Variants in RCC2 observed in about 807,000 individuals in gnomAD.
The protein encoded by RCC2 is regulator of chromosome condensation 2.
In RCC2, 19 loss-of-function variants were observed where a neutral mutation model predicts 64.1. That is an observed-to-expected ratio of 0.30 (90% confidence interval 0.21 to 0.44). The LOEUF (loss-of-function observed/expected upper bound fraction) is 0.44. Among genes scored for constraint, RCC2 ranks in the 20% least tolerant of loss-of-function variants. RCC2 has a pLI of 1.00. For synonymous variants in RCC2, 325 were observed against 279.6 expected, an observed-to-expected ratio of 1.16 and a Z score of -1.62; for missense variants, 508 against 710.4, an observed-to-expected ratio of 0.72 and a Z score of 3.24.
chr1:17,438,225 C>A lies in RCC2; in HGVS notation c.285+5G>T, dbSNP rs1240827613. 1 of 1,295,670 alleles carries A rather than the reference C, an allele frequency of 7.7e-7. No individual in the cohort carries two copies. 80.3% of individuals were successfully genotyped at this position (1,295,670 alleles called of 1,614,324 possible). The stretch of plus-strand genomic sequence containing the variant: ...GCCCACCCGTCTACCCTGACCCTCA[C>A]TCACGACGCGCTCCTTGGTGTGCTC... On this transcript the variant is annotated splice_donor_5th_base_variant and intron_variant, in intron 2 of 12. Coordinates refer to ENST00000375436, the MANE Select transcript of RCC2 (RefSeq NM_018715.4).
At position 17,409,047 on chromosome 1, in the gene RCC2, A is replaced by G. The variant is rs760860242; in HGVS notation, c.*43T>C. ...CCGTCCCAGTGCACATGGAAATGAC[A>G]GCTGCCGCGAGAGGTGTGGAGTCGG... On this transcript the variant is annotated 3_prime_UTR_variant, in exon 13 of 13. Transcript: ENST00000375436. 4 of 1,374,128 alleles carry G rather than the reference A, an allele frequency of 2.9e-6. No individual in the cohort carries two copies. Among genetic ancestry groups the G allele is most frequent in the Non-Finnish European group, 4.2e-6 (4 of 961,428 alleles). 85.1% of individuals were successfully genotyped at this position (1,374,128 alleles called of 1,614,324 possible).
intron 4 of RCC2, 41 bp downstream of exon 4, chr1:17,425,500 T>G (rs376875343): frequency 6.5e-7 from 1 of 1,543,564 alleles, no homozygotes; most frequent in Non-Finnish European, 8.8e-7. Flanking sequence ...GGACAGCTGG[T>G]GACAGTGGTC....
At chr1:17,420,587 C>G (rs1049407486) in intron 7 of RCC2, 127 bp downstream of exon 7, 6 of 541,154 alleles carry the variant, frequency 1.1e-5, no homozygotes, top group Middle Eastern at 5.3e-4. Flanking sequence ...ATCCACTTAA[C>G]GGACAAAGGC....
At position 17,423,586 on chromosome 1, in the gene RCC2, C is replaced by T. The variant is rs187533251; in HGVS notation, c.524-750G>A. On this transcript the variant is annotated intron_variant, in intron 4 of 12. Transcript: ENST00000375436. ...AGAACCAAATTCAACTCCAAACAGA[C>T]GTGGAAGTTGGGTGGGCCAAAAGGA... Among the ~76,000 whole-genome samples the T allele has an allele frequency of 1.6e-4, 24 of 152,362 alleles. No individual in the cohort carries two copies. The East Asian group carries it at 4.2e-3, about 27-fold the overall frequency.
chr1:17,413,260 A>G, intron 9 of RCC2, 82 bp from the exon 10 acceptor site: 1 of 1,068,438 alleles, frequency 9.4e-7, no homozygotes, highest in Non-Finnish European at 1.4e-6. Context: ...GGGTGAAAAG[A>G]GGACGGGATG....
At chr1:17,437,558 G>C (rs1047322449) in intron 2 of RCC2, among the ~76,000 whole-genome samples, 4 of 140,548 alleles carry the variant, frequency 2.8e-5, no homozygotes, top group African/African-American at 1.1e-4. Context: ...TTCACTTGGG[G>C]GGGCTACAAC....
At chr1:17,426,735 G>C (rs549467998) in intron 3 of RCC2, among the ~76,000 whole-genome samples, 3 of 151,264 alleles carry the variant, frequency 2.0e-5, no homozygotes, top group African/African-American at 7.3e-5. Flanking sequence ...TTAGAGGATG[G>C]GGCAGGGCCA....
chr1:17,436,899 CCA>C (rs1355094026), intron 2 of RCC2, among the ~76,000 whole-genome samples: 1 of 152,194 alleles, frequency 6.6e-6, no homozygotes, highest in Non-Finnish European at 1.5e-5. Flanking sequence ...TTCCTGTGTT[CCA>C]GTTTCTCAAT....
chr1:17,438,611 A>G (rs1047949227), intron 1 of RCC2, 89 bp from the exon 2 acceptor site: 5 of 1,207,904 alleles, frequency 4.1e-6, no homozygotes, highest in Non-Finnish European at 5.2e-6. Context: ...CCCGGCCTCC[A>G]CTTCCTCCTC....
chr1:17,436,593 G>A (rs2075737807), intron 2 of RCC2, among the ~76,000 whole-genome samples: 1 of 152,184 alleles, frequency 6.6e-6, no homozygotes, highest in Non-Finnish European at 1.5e-5. Context: ...GCCAGGGAGA[G>A]CCAGTGTCCC....
intron 7 of RCC2, among the ~76,000 whole-genome samples, chr1:17,418,483 C>T (rs1362905148): frequency 2.0e-5 from 3 of 152,180 alleles, no homozygotes; most frequent in African/African-American, 4.8e-5. Flanking sequence ...ATGGTGAAAC[C>T]CCGTCTCTAC....
chr1:17,426,797 C>T (rs1191704038), intron 3 of RCC2, among the ~76,000 whole-genome samples: 1 of 128,880 alleles, frequency 7.8e-6, no homozygotes, highest in Admixed American at 8.6e-5. Context: ...GACAGTTTCA[C>T]TGTTGCCCAG....
intron 4 of RCC2, among the ~76,000 whole-genome samples, chr1:17,424,611 A>T (rs2075592416): frequency 6.6e-6 from 1 of 152,228 alleles, no homozygotes; most frequent in Non-Finnish European, 1.5e-5. Context: ...AGGGAAGACA[A>T]CAGATGTTAA....
intron 2 of RCC2, among the ~76,000 whole-genome samples, chr1:17,434,921 T>C (rs1325677040): frequency 3.3e-5 from 5 of 152,174 alleles, no homozygotes; most frequent in African/African-American, 1.2e-4. Context: ...CTGGCCAACA[T>C]GGTGAAACCC....
chr1:17,429,304 C>A, intron 2 of RCC2, 105 bp from the exon 3 acceptor site: 1 of 863,218 alleles, frequency 1.2e-6, no homozygotes, highest in Non-Finnish European at 1.9e-6. Flanking sequence ...ATTCAGTTAG[C>A]CCTTATGTCA....
chr1:17,409,995 C>T lies in RCC2; in HGVS notation c.1443G>A (p.Leu481=). The T allele has an allele frequency of 6.2e-7, 1 of 1,613,978 alleles. No individual in the cohort carries two copies. The highest frequency in any genetic ancestry group is 8.5e-7 in the Non-Finnish European group (1 of 1,179,904). ...SSTAAQEVKT[L]DGIFSEQVAM... The stretch of plus-strand genomic sequence containing the variant: ...TCACCTGCTCTGAGAAAATGCCATC[C>T]AGAGTCTTTACCTCCTGGGCTGCAG... The change falls in exon 12 of 13, where the codon CTG becomes CTA. Residue 481 remains leucine (L), a synonymous_variant. Coordinates refer to ENST00000375436, the MANE Select transcript of RCC2 (RefSeq NM_018715.4).
intron 12 of RCC2, 31 bp downstream of exon 12, chr1:17,409,943 T>C: frequency 6.3e-7 from 1 of 1,590,116 alleles, no homozygotes; most frequent in Non-Finnish European, 8.6e-7. Flanking sequence ...TACGGACACG[T>C]CCCCGAGCTG....
At chr1:17,438,147 C>T in intron 2 of RCC2, 83 bp downstream of exon 2, 1 of 1,028,300 alleles carries the variant, frequency 9.7e-7, no homozygotes, top group African/African-American at 1.7e-5. Context: ...AGGCGGCCCC[C>T]GGCTGGAACG....
At position 17,409,249 on chromosome 1, in the gene RCC2, G is replaced by A. The variant is rs571057525; in HGVS notation, c.1465-55C>T. Reference sequence around the variant, plus strand: ...CTGAGGCGCCTGGACTAATCAATGCGTTGAAGAGACTCTGGAAACTGGGCT... The same window carrying A: ...CTGAGGCGCCTGGACTAATCAATGCATTGAAGAGACTCTGGAAACTGGGCT... On this transcript the variant is annotated intron_variant, in intron 12 of 12. Transcript: ENST00000375436. The A allele has an allele frequency of 3.0e-4, 340 of 1,118,950 alleles. 1 individual carries two copies. Among genetic ancestry groups the A allele is most frequent in the Middle Eastern group, 2.4e-3 (12 of 5,100 alleles). The allele number at this position is 1,118,950 out of a possible 1,614,324, so 69.3% of individuals were successfully genotyped here. A position where few individuals can be genotyped will look rare whatever the true frequency, so the allele number is the denominator to read the frequency against.
Sources: gnomAD v4.1 joint callset for allele counts (sites outside exome capture counted in the v4.1 genomes callset) on GRCh38, gnomAD v4.1.1 for gene constraint, MANE v1.5 for transcripts, NCBI Gene and HGNC (gene_info 2026-07-23, HGNC 2026-07-21) for gene names.